Variants in OR2L13 observed in about 807,000 individuals in gnomAD.
OR2L13 encodes the protein olfactory receptor family 2 subfamily L member 13.
Under a neutral mutation model 15.3 loss-of-function variants are expected in OR2L13, and 14 were observed. The observed-to-expected ratio is 0.91, with a 90% confidence interval of 0.60 to 1.43. The LOEUF is 1.43. Ranked by LOEUF, OR2L13 falls within the 40% of genes most tolerant of loss-of-function variation. OR2L13 has a pLI of 0.00. For synonymous variants in OR2L13, 152 were observed against 142.9 expected (o/e 1.06, Z -0.45); for missense variants, 367 against 387.9 (o/e 0.95, Z 0.45).
the OR2L13 span, chr1:247,949,206 A>G: frequency 3.1e-6 from 5 of 1,614,072 alleles, no homozygotes; most frequent in South Asian, 1.1e-5. Flanking sequence ...TTTGGCATCT[A>G]TGGCCTATGA....
chr1:247,981,866 A>T, the OR2L13 span, among the ~76,000 whole-genome samples: 1 of 150,038 alleles, frequency 6.7e-6, no homozygotes, highest in African/African-American at 2.5e-5. Flanking sequence ...CCCAGGCTGG[A>T]GTGCAGTGGT....
chr1:247,967,346 A>G, the OR2L13 span, among the ~76,000 whole-genome samples: 75 of 151,972 alleles, frequency 4.9e-4, no homozygotes, highest in Non-Finnish European at 9.0e-4. Context: ...CTCCTGCCTC[A>G]GGCTCCCAAA....
chr1:248,083,948 A>G, the OR2L13 span: 1 of 1,611,716 alleles, frequency 6.2e-7, no homozygotes. Context: ...GGATGAGACC[A>G]TAGGAGGACA....
At chr1:248,068,603 C>A in the OR2L13 span, among the ~76,000 whole-genome samples, 1 of 152,206 alleles carries the variant, frequency 6.6e-6, no homozygotes, top group African/African-American at 2.4e-5. Flanking sequence ...CAGTTCCTCA[C>A]CAGCAACGGA....
chr1:248,055,217 T>C, the OR2L13 span, among the ~76,000 whole-genome samples: 1 of 152,180 alleles, frequency 6.6e-6, no homozygotes, highest in Non-Finnish European at 1.5e-5. Flanking sequence ...TTGTCTTTAG[T>C]TCTGTTTATG....
chr1:248,063,362 T>G, the OR2L13 span: 7 of 152,272 alleles, frequency 4.6e-5, no homozygotes, highest in Non-Finnish European at 5.9e-5. Flanking sequence ...CATTTCTATT[T>G]CTAAGCCTGT....
chr1:248,003,809 A>C, the OR2L13 span: 1 of 1,613,748 alleles, frequency 6.2e-7, no homozygotes, highest in Non-Finnish European at 8.5e-7. Context: ...TGTCTACCAC[A>C]TGAAATCTGC....
chr1:248,003,043 A>G, the OR2L13 span: 1 of 747,454 alleles, frequency 1.3e-6, no homozygotes, highest in South Asian at 1.6e-5. Context: ...TTATTGGTCT[A>G]TTCAGGGATT....
At chr1:248,017,747 C>T in the OR2L13 span, among the ~76,000 whole-genome samples, 1 of 152,124 alleles carries the variant, frequency 6.6e-6, no homozygotes, top group Non-Finnish European at 1.5e-5. Context: ...TAAATTGAGA[C>T]AGTCTCCTAG....
At chr1:248,096,202 C>T (rs181585209), upstream of OR2L13, among the ~76,000 whole-genome samples, 1 of 151,876 alleles carries the variant, frequency 6.6e-6, no homozygotes, top group Admixed American at 6.6e-5. Context: ...CACAGTGAAA[C>T]CCGGTCTCTA....
At chr1:247,968,961 A>G in the OR2L13 span, among the ~76,000 whole-genome samples, 2 of 152,206 alleles carry the variant, frequency 1.3e-5, no homozygotes, top group African/African-American at 4.8e-5. Flanking sequence ...ACTTCCATCA[A>G]CAGTGTAAAA....
At chr1:247,966,728 G>C in the OR2L13 span, among the ~76,000 whole-genome samples, 90 of 152,298 alleles carry the variant, frequency 5.9e-4, no homozygotes, top group African/African-American at 2.1e-3. Context: ...AAAGCTGACA[G>C]AAATCTCTGC....
chr1:247,987,491 G>A, the OR2L13 span, among the ~76,000 whole-genome samples: 1 of 152,026 alleles, frequency 6.6e-6, no homozygotes, highest in Admixed American at 6.6e-5. Context: ...TCATGAAGTT[G>A]TGGGTTAAAT....
At chr1:248,003,280 G>A in the OR2L13 span, 11 of 1,574,112 alleles carry the variant, frequency 7.0e-6, no homozygotes, top group Admixed American at 1.3e-4. Flanking sequence ...TCATCTTCTT[G>A]GACACTCATC....
chr1:247,987,465 G>A, the OR2L13 span, among the ~76,000 whole-genome samples: 1 of 152,022 alleles, frequency 6.6e-6, no homozygotes, highest in African/African-American at 2.4e-5. Flanking sequence ...AGTAAAAATT[G>A]TCATTCTCAT....
the OR2L13 span, among the ~76,000 whole-genome samples, chr1:248,007,363 T>C: frequency 6.6e-6 from 1 of 152,152 alleles, no homozygotes; most frequent in Non-Finnish European, 1.5e-5. Context: ...ACTTCAAAAG[T>C]CTTTTATGCC....
the OR2L13 span, chr1:248,035,751 CA>C: frequency 3.9e-5 from 6 of 152,102 alleles, no homozygotes; most frequent in Non-Finnish European, 7.4e-5. Context: ...TGACATAGGC[CA>C]CAGTCAATAG....
At chr1:248,070,778 A>G in the OR2L13 span, among the ~76,000 whole-genome samples, 1 of 152,226 alleles carries the variant, frequency 6.6e-6, no homozygotes, top group Non-Finnish European at 1.5e-5. Context: ...ACGCAATAAA[A>G]AATGATAAAG....
At chr1:248,092,694 A>G (rs926441262), upstream of OR2L13, among the ~76,000 whole-genome samples, 5 of 152,234 alleles carry the variant, frequency 3.3e-5, no homozygotes, top group African/African-American at 1.2e-4. Context: ...AAGAATCTCT[A>G]AACTCATTAT....
Sources: allele counts gnomAD v4.1 joint callset (sites outside exome capture counted in the v4.1 genomes callset), GRCh38; gene constraint gnomAD v4.1.1; transcripts MANE v1.5; gene names NCBI Gene and HGNC (gene_info 2026-07-23, HGNC 2026-07-21).